The following MON1B variants were observed in gnomAD, a reference collection of about 807,000 sequenced individuals.
MON1B encodes vacuolar fusion protein MON1 homolog B.
MON1B carries 26 observed loss-of-function variants against 45.1 expected under a neutral mutation model. The ratio of observed to expected loss-of-function variants is 0.58; its 90% CI spans 0.42 to 0.80. The LOEUF (loss-of-function observed/expected upper bound fraction) is 0.80, where lower values mean the gene tolerates loss of function less well. Among genes scored for constraint, MON1B ranks in the 30% least tolerant of loss-of-function variants. The pLI is 0.00. For missense variants in MON1B, 737 were observed against 754.5 expected, an observed-to-expected ratio of 0.98 and a Z score of 0.27; for synonymous variants, 395 against 320.2, an observed-to-expected ratio of 1.23 and a Z score of -2.49.
intron 2 of MON1B, among the ~76,000 whole-genome samples, chr16:77,191,956 A>G (rs1017900197): frequency 1.3e-5 from 2 of 152,170 alleles, no homozygotes; most frequent in African/African-American, 4.8e-5. Context: ...GAAAGTCAAT[A>G]GACTCAACAG....
chr16:77,193,427 G>C lies in MON1B; in HGVS notation c.149-24G>C. 1 of 1,529,232 alleles carries C rather than the reference G, an allele frequency of 6.5e-7. No individual in the cohort carries two copies. Among genetic ancestry groups the C allele is most frequent in the Non-Finnish European group, 8.8e-7 (1 of 1,138,124 alleles). The allele number at this position is 1,529,232 out of a possible 1,614,324, so 94.7% of individuals were successfully genotyped here. A position where few individuals can be genotyped will look rare whatever the true frequency, so the allele number is the denominator to read the frequency against. On this transcript the variant is annotated intron_variant, in intron 2 of 5. Coordinates refer to ENST00000248248, the MANE Select transcript of MON1B (RefSeq NM_014940.4). The surrounding 1 kb of genome is among the most constrained non-coding windows in gnomAD (Gnocchi z 5.0). The stretch of plus-strand genomic sequence containing the variant: ...ATTAGTTAGGAGTTCACATGCAGAT[G>C]ACCCACCAGGGGCTCCCTTTCAGGA...
rs2054747037 is a variant in MON1B, at chr16:77,201,849, G to T, written c.*3541G>T. The T allele has an allele frequency of 6.6e-6, 1 of 151,992 alleles. No individual in the cohort carries two copies. The highest frequency in any genetic ancestry group is 1.5e-5 in the Non-Finnish European group (1 of 67,998). The allele number at this position is 151,992 out of a possible 1,614,324, so 9.4% of individuals were successfully genotyped here. ...ATTATAAGTTGATAGGATTATTATT[G>T]ACACACAAGGAGCTCCAAAAGAGAT... On this transcript the variant is annotated 3_prime_UTR_variant, in exon 6 of 6. Transcript: ENST00000248248.
chr16:77,196,996 T>A (rs1340417737), intron 5 of MON1B, among the ~76,000 whole-genome samples: 1 of 152,194 alleles, frequency 6.6e-6, no homozygotes, highest in African/African-American at 2.4e-5. Context: ...GAGCACATCT[T>A]ACTTGACTTT....
In MON1B at chr16:77,193,146, T is replaced by C. The variant is rs775115987; in HGVS notation, c.149-305T>C. Among the ~76,000 whole-genome samples, 11 of 152,092 alleles carry C rather than the reference T, an allele frequency of 7.2e-5. No homozygotes were observed. Among genetic ancestry groups the C allele is most frequent in the African/African-American group, 2.2e-4 (9 of 41,386 alleles). ...AGTCAATGGGGTGCTTTGAAGACTT[T>C]GGAATAACAGTGATTGAAAGGGAAG... On this transcript the variant is annotated intron_variant, in intron 2 of 5. Transcript: ENST00000248248. This position sits in a 1 kb window ranked among gnomAD's most constrained non-coding sequence, Gnocchi z 5.0.
At chr16:77,197,997 C>T in intron 5 of MON1B, 111 bp from the exon 6 acceptor site, 2 of 1,079,918 alleles carry the variant, frequency 1.9e-6, no homozygotes, top group Non-Finnish European at 2.8e-6. Flanking sequence ...GAGGTGCTGC[C>T]AGGTACATGT....
rs760755247 is a variant in MON1B, at chr16:77,195,061, G to A, written c.1202G>A (p.Ser401Asn). The A allele has an allele frequency of 1.9e-6, 3 of 1,609,812 alleles. No homozygotes were observed. In the South Asian group the frequency reaches 3.3e-5, roughly 18 times the overall value. Residue 401 changes from serine to asparagine, a missense_variant, in exon 4 of 6, where the codon AGC becomes AAC. Ser to Asn is a conservative substitution (Grantham distance 46). Transcript: ENST00000248248. ...TCATCAGCCAGTGCTCCTGCCTACAGCGTGCAGGCTGTCGGGGCGCCGGGC... is the reference window on the plus strand; with the variant it reads ...TCATCAGCCAGTGCTCCTGCCTACAACGTGCAGGCTGTCGGGGCGCCGGGC... ...NASSASAPAY[S>N]VQAVGAPGLR...
In MON1B at chr16:77,191,458, G is replaced by C; in HGVS notation, c.-10-18G>C. ...GTTTCTTTCACCGCCCGTCACCCTC[G>C]ATTCCCCTCCCACTCAGGGATGTGC... On this transcript the variant is annotated intron_variant, in intron 1 of 5. Transcript: ENST00000248248. The C allele has an allele frequency of 6.3e-7, 1 of 1,584,336 alleles. No homozygotes were observed. The highest frequency in any genetic ancestry group is 8.6e-7 in the Non-Finnish European group (1 of 1,167,174).
In MON1B at chr16:77,200,291, T is replaced by TATATATATATATATATATATATATACAC; in HGVS notation, c.*1984_*1985insTATATATATATATATATATATATACACA. The TATATATATATATATATATATATATACAC allele has an allele frequency of 5.9e-4, 66 of 111,354 alleles. No individual in the cohort carries two copies. The highest frequency in any genetic ancestry group is 1.0e-3 in the African/African-American group (30 of 29,742). The allele number at this position is 111,354 out of a possible 1,614,324, so 6.9% of individuals were successfully genotyped here. On this transcript the variant is annotated 3_prime_UTR_variant, in exon 6 of 6. Transcript: ENST00000248248. ...ATATATGTGTATATATATATATATA[T>TATATATATATATATATATATATATACAC]ACACACACTAATCAGCCGGGCGCGG...
In MON1B at chr16:77,199,365, T is replaced by G; in HGVS notation, c.*1057T>G. The stretch of plus-strand genomic sequence containing the variant: ...CTGGCGTAACCGCGGGTTGCACGCA[T>G]GCGTGCTGAAAAGCCTTTCACCCTC... On this transcript the variant is annotated 3_prime_UTR_variant, in exon 6 of 6. Transcript: ENST00000248248. The G allele has an allele frequency of 7.3e-7, 1 of 1,369,342 alleles. No homozygotes were observed. The highest frequency in any genetic ancestry group is 1.0e-6 in the Non-Finnish European group (1 of 988,020). The allele number at this position is 1,369,342 out of a possible 1,614,324, so 84.8% of individuals were successfully genotyped here. A position where few individuals can be genotyped will look rare whatever the true frequency, so the allele number is the denominator to read the frequency against.
In MON1B at chr16:77,191,237, T is replaced by C. The variant is rs761224476; in HGVS notation, c.-32T>C. ...CGGGGAAGTAATGGTATCCGGCCAA[T>C]TGAGATTCGGAGTTAAAACAGGTGT... is the stretch of plus-strand genomic sequence containing the variant. On this transcript the variant is annotated 5_prime_UTR_variant, in exon 1 of 6. Coordinates refer to ENST00000248248, the MANE Select transcript of MON1B (RefSeq NM_014940.4). 2.5e-5 allele frequency: 39 copies of C among 1,536,952 alleles called. No individual in the cohort carries two copies. Among genetic ancestry groups the C allele is most frequent in the Non-Finnish European group, 3.2e-5 (37 of 1,146,922 alleles).
rs2054752066 is a variant in MON1B at position 77,202,375 on chromosome 16, T to A, written c.*4067T>A. ...ACTTTTGTGTACATCTGCAATTGTT[T>A]CAAAATAAAATGTTTAAAAGGGTGC... On this transcript the variant is annotated 3_prime_UTR_variant, in exon 6 of 6. Transcript: ENST00000248248. 1 of 152,232 alleles carries A rather than the reference T, an allele frequency of 6.6e-6. No individual in the cohort carries two copies. The highest frequency in any genetic ancestry group is 6.5e-5 in the Admixed American group (1 of 15,288). 9.4% of individuals were successfully genotyped at this position (152,232 alleles called of 1,614,324 possible).
chr16:77,200,232 G>GTGTC lies in MON1B; in HGVS notation c.*1925_*1926insGTCT, dbSNP rs1356340224. On this transcript the variant is annotated 3_prime_UTR_variant, in exon 6 of 6. Coordinates refer to ENST00000248248, the MANE Select transcript of MON1B (RefSeq NM_014940.4). ...TTTATATGTATGTATGTATGTGTGT[G>GTGTC]TATATATATATATATGTATATGTGT... 2 of 132,130 alleles carry GTGTC rather than the reference G, an allele frequency of 1.5e-5. No homozygotes were observed. The highest frequency in any genetic ancestry group is 5.7e-5 in the African/African-American group (2 of 34,942). The allele number at this position is 132,130 out of a possible 1,614,324, so 8.2% of individuals were successfully genotyped here.
At position 77,198,550 on chromosome 16, in the gene MON1B, T is replaced by C. The variant is rs891281142; in HGVS notation, c.*242T>C. The C allele has an allele frequency of 7.3e-6, 4 of 546,358 alleles. No homozygotes were observed. Among genetic ancestry groups the C allele is most frequent in the African/African-American group, 5.7e-5 (3 of 52,688 alleles). 33.8% of individuals were successfully genotyped at this position (546,358 alleles called of 1,614,324 possible). On this transcript the variant is annotated 3_prime_UTR_variant, in exon 6 of 6. Coordinates refer to ENST00000248248, the MANE Select transcript of MON1B (RefSeq NM_014940.4). ...GGAAATCCTTAGGCCTCCCTCTCCC[T>C]TCCCTCTGTCTCATCTCCTCCACTT...
chr16:77,194,450 C>T lies in MON1B; in HGVS notation c.591C>T (p.Ile197=), dbSNP rs775602347. The T allele has an allele frequency of 5.6e-6, 9 of 1,613,944 alleles. No homozygotes were observed. The highest frequency in any genetic ancestry group is 7.6e-6 in the Non-Finnish European group (9 of 1,180,020). ...AGCTGCTAGCTGTGCACGCACAGATCGTGAGCACACTTACACGTGCAAGTG... is the reference window on the plus strand; with the variant it reads ...AGCTGCTAGCTGTGCACGCACAGATTGTGAGCACACTTACACGTGCAAGTG... The part of the protein sequence containing the change: ...RGELLAVHAQ[I]VSTLTRASVA... The change falls in exon 4 of 6, where the codon ATC becomes ATT. Residue 197 remains isoleucine (I), a synonymous_variant. Transcript: ENST00000248248. This position sits in a 1 kb window ranked among gnomAD's most constrained non-coding sequence, Gnocchi z 8.1.
At chr16:77,191,729 G>C (rs1346922093) in intron 2 of MON1B, 96 bp downstream of exon 2, 2 of 1,406,440 alleles carry the variant, frequency 1.4e-6, no homozygotes, top group African/African-American at 2.9e-5. Flanking sequence ...GGGAGTCTTG[G>C]GACTTAAGAG....
chr16:77,194,002 T>A lies in MON1B; in HGVS notation c.475+225T>A, dbSNP rs1689685887. 3.3e-6 allele frequency: 2 copies of A among 603,638 alleles called. No individual in the cohort carries two copies. The highest frequency in any genetic ancestry group is 3.7e-5 in the African/African-American group (2 of 53,854). The allele number at this position is 603,638 out of a possible 1,614,324, so 37.4% of individuals were successfully genotyped here. A position where few individuals can be genotyped will look rare whatever the true frequency, so the allele number is the denominator to read the frequency against. ...GCTGGGATCTCAGTGACTAGCTGGATACTTCTGTGTCACCTGAGAGGATAA... is the reference window on the plus strand; with the variant it reads ...GCTGGGATCTCAGTGACTAGCTGGAAACTTCTGTGTCACCTGAGAGGATAA... On this transcript the variant is annotated intron_variant, in intron 3 of 5. Transcript: ENST00000248248. The surrounding 1 kb of genome is among the most constrained non-coding windows in gnomAD (Gnocchi z 8.1).
Position 77,194,011 on chromosome 16 carries a change from G to T in MON1B, c.475+234G>T. 3.3e-6 allele frequency: 2 copies of T among 603,134 alleles called. No individual in the cohort carries two copies. Among genetic ancestry groups the T allele is most frequent in the African/African-American group, 1.9e-5 (1 of 53,978 alleles). The allele number at this position is 603,134 out of a possible 1,614,324, so 37.4% of individuals were successfully genotyped here. On this transcript the variant is annotated intron_variant, in intron 3 of 5. Transcript: ENST00000248248. This position sits in a 1 kb window ranked among gnomAD's most constrained non-coding sequence, Gnocchi z 8.1. ...TCAGTGACTAGCTGGATACTTCTGT[G>T]TCACCTGAGAGGATAACTGTGGGGG...
Position 77,200,291 on chromosome 16 carries a change from T to TATATATATGTATATATATAC in MON1B, c.*1984_*1985insTATATATGTATATATATACA. ...ATATATGTGTATATATATATATATA[T>TATATATATGTATATATATAC]ACACACACTAATCAGCCGGGCGCGG... On this transcript the variant is annotated 3_prime_UTR_variant, in exon 6 of 6. Transcript: ENST00000248248. 15 of 111,438 alleles carry TATATATATGTATATATATAC rather than the reference T, an allele frequency of 1.3e-4. 1 individual carries two copies. Among genetic ancestry groups the TATATATATGTATATATATAC allele is most frequent in the Admixed American group, 7.0e-4 (8 of 11,452 alleles). The allele number at this position is 111,438 out of a possible 1,614,324, so 6.9% of individuals were successfully genotyped here. A position where few individuals can be genotyped will look rare whatever the true frequency, so the allele number is the denominator to read the frequency against.
intron 4 of MON1B, 61 bp from the exon 5 acceptor site, chr16:77,195,474 A>G (rs1339152064): frequency 6.5e-7 from 1 of 1,530,894 alleles, no homozygotes; most frequent in Admixed American, 2.0e-5. Flanking sequence ...TGAGGGAGGA[A>G]ATGGGCCAGC....
Sources: allele counts gnomAD v4.1 joint callset (sites outside exome capture counted in the v4.1 genomes callset), GRCh38; gene constraint gnomAD v4.1.1; non-coding constraint Gnocchi (gnomAD v3.1); transcripts MANE v1.5; gene names NCBI Gene and HGNC (gene_info 2026-07-23, HGNC 2026-07-21).